CHRM5: variants seen among roughly 807,000 people sequenced by gnomAD.
CHRM5 encodes muscarinic acetylcholine receptor M5.
A neutral mutation model predicts 39.0 loss-of-function variants in CHRM5; 18 were observed. The ratio of observed to expected loss-of-function variants is 0.46; its 90% confidence interval spans 0.32 to 0.68. The LOEUF (loss-of-function observed/expected upper bound fraction) is 0.68. CHRM5 is among the 30% of genes least tolerant of loss of function. The pLI, the probability that CHRM5 is intolerant of heterozygous loss-of-function variation, is 0.04. For synonymous variants in CHRM5, 241 were observed against 246.3 expected, an observed-to-expected ratio of 0.98 and a Z score of 0.20; for missense variants, 515 against 651.1, an observed-to-expected ratio of 0.79 and a Z score of 2.28.
chr15:33,997,615 G>C (rs540991853), intron 1 of CHRM5, among the ~76,000 whole-genome samples: 5 of 152,138 alleles, frequency 3.3e-5, no homozygotes, highest in Non-Finnish European at 7.4e-5. Context: ...TTCTCAAGAA[G>C]GTCAATAATC....
intron 1 of CHRM5, chr15:34,038,910 TC>T: frequency 9.0e-7 from 1 of 1,106,844 alleles, no homozygotes. Flanking sequence ...TCCGCCTCCG[TC>T]CCCGCCGCCG....
At chr15:34,062,125 A>G (rs996068137) in intron 2 of CHRM5, among the ~76,000 whole-genome samples, 2 of 152,144 alleles carry the variant, frequency 1.3e-5, no homozygotes, top group Admixed American at 6.5e-5. Flanking sequence ...CAGCAGCCTC[A>G]TGCATAAGAA....
At chr15:33,971,817 T>C (rs535732) in intron 1 of CHRM5, among the ~76,000 whole-genome samples, 129,407 of 152,060 alleles carry the variant, frequency 0.85, 57,855 homozygotes, top group Non-Finnish European at 0.98. Flanking sequence ...ATTTTCCTTA[T>C]GAAGTGACCA....
intron 2 of CHRM5, among the ~76,000 whole-genome samples, chr15:34,054,487 T>C (rs898734684): frequency 1.4e-4 from 21 of 152,170 alleles, no homozygotes; most frequent in Admixed American, 5.9e-4. Context: ...CATGGAATAC[T>C]ATGCAGCCAT....
At chr15:33,984,286 A>G (rs1285222661) in intron 1 of CHRM5, among the ~76,000 whole-genome samples, 5 of 152,144 alleles carry the variant, frequency 3.3e-5, no homozygotes, top group African/African-American at 1.2e-4. Context: ...AGTATTAGAA[A>G]ATAAAAAGTT....
intron 1 of CHRM5, among the ~76,000 whole-genome samples, chr15:34,005,146 T>C (rs1897290306): frequency 6.6e-6 from 1 of 152,184 alleles, no homozygotes; most frequent in African/African-American, 2.4e-5. Flanking sequence ...TATATATTTA[T>C]ATATACTTCT....
intron 1 of CHRM5, among the ~76,000 whole-genome samples, chr15:34,042,997 C>A (rs1024290377): frequency 1.3e-5 from 2 of 151,850 alleles, no homozygotes; most frequent in Admixed American, 1.3e-4. Context: ...CCTGTAATCC[C>A]AGCACTTTGG....
intron 1 of CHRM5, among the ~76,000 whole-genome samples, chr15:33,979,498 C>A (rs1013944715): frequency 3.3e-5 from 5 of 152,162 alleles, no homozygotes; most frequent in African/African-American, 1.2e-4. Context: ...AACAAGCAAG[C>A]AAATAAAACT....
chr15:33,996,234 C>A lies in CHRM5; in HGVS notation c.-408+27084C>A, dbSNP rs561250518. Reference sequence around the variant, plus strand: ...TAGCAAGGCCTGCTGCCTCTGTAGACCCCACCCCTGGGGGCAGGGCATAGC... The same window carrying A: ...TAGCAAGGCCTGCTGCCTCTGTAGAACCCACCCCTGGGGGCAGGGCATAGC... On this transcript the variant is annotated intron_variant, in intron 1 of 2. Transcript: ENST00000383263. Among the ~76,000 whole-genome samples, 50 of 152,346 alleles carry A rather than the reference C, an allele frequency of 3.3e-4. 2 individuals carry two copies. The South Asian group carries it at 0.01, about 31-fold the overall frequency.
intron 1 of CHRM5, among the ~76,000 whole-genome samples, chr15:34,032,231 T>C (rs1898887319): frequency 6.6e-6 from 1 of 152,170 alleles, no homozygotes; most frequent in Admixed American, 6.5e-5. Context: ...ACCTAATTTC[T>C]AGAAAAAGGC....
intron 1 of CHRM5, among the ~76,000 whole-genome samples, chr15:33,979,711 G>C (rs1228293427): frequency 6.6e-6 from 1 of 152,108 alleles, no homozygotes; most frequent in East Asian, 1.9e-4. Context: ...GACACCAATG[G>C]TTCATAACAT....
intron 1 of CHRM5, among the ~76,000 whole-genome samples, chr15:34,014,517 A>G (rs1249942691): frequency 1.3e-5 from 2 of 152,180 alleles, no homozygotes; most frequent in Non-Finnish European, 2.9e-5. Flanking sequence ...AAACAGCCAC[A>G]AAAGCCTAGG....
At chr15:33,986,767 C>T (rs1197185293) in intron 1 of CHRM5, among the ~76,000 whole-genome samples, 1 of 151,648 alleles carries the variant, frequency 6.6e-6, no homozygotes, top group African/African-American at 2.4e-5. Flanking sequence ...AGCGATTCTC[C>T]TGTGTCAGCC....
intron 1 of CHRM5, among the ~76,000 whole-genome samples, chr15:34,003,901 C>CGA (rs1343190034): frequency 3.3e-5 from 5 of 152,138 alleles, no homozygotes; most frequent in Admixed American, 1.3e-4. Flanking sequence ...GATTAATGAA[C>CGA]ATTCTGATGT....
chr15:34,028,912 G>C (rs189478855), intron 1 of CHRM5, among the ~76,000 whole-genome samples: 2 of 152,140 alleles, frequency 1.3e-5, no homozygotes, highest in East Asian at 3.9e-4. Context: ...AAAAAAAATT[G>C]GGAGAGAAAG....
chr15:34,033,789 T>C (rs80343682), intron 1 of CHRM5, among the ~76,000 whole-genome samples: 3,192 of 152,128 alleles, frequency 0.021, 120 homozygotes, highest in African/African-American at 0.068. Flanking sequence ...TTGGGTTTTG[T>C]TTTTTGTTTT....
intron 1 of CHRM5, among the ~76,000 whole-genome samples, chr15:34,038,272 T>G (rs1045625447): frequency 2.0e-5 from 3 of 152,152 alleles, no homozygotes; most frequent in South Asian, 2.1e-4. Context: ...ATTCTTTCAC[T>G]CAACAAACTT....
chr15:34,030,689 G>C (rs1458056229), intron 1 of CHRM5, among the ~76,000 whole-genome samples: 2 of 151,964 alleles, frequency 1.3e-5, no homozygotes, highest in African/African-American at 4.8e-5. Flanking sequence ...AGTGATCATA[G>C]CTCACTGCAA....
At chr15:33,986,549 T>C (rs1597314961) in intron 1 of CHRM5, among the ~76,000 whole-genome samples, 2 of 152,284 alleles carry the variant, frequency 1.3e-5, no homozygotes, top group Middle Eastern at 6.8e-3. Context: ...TTTCTGAAAC[T>C]TAATGATTTT....
Sources: allele counts gnomAD v4.1 joint callset (sites outside exome capture counted in the v4.1 genomes callset), GRCh38; gene constraint gnomAD v4.1.1; transcripts MANE v1.5; gene names NCBI Gene and HGNC (gene_info 2026-07-23, HGNC 2026-07-21).